Variants in CLDN14 observed in about 807,000 individuals in gnomAD.
The protein encoded by CLDN14 is claudin 14.
A neutral mutation model predicts 2.1 loss-of-function variants in CLDN14; 2 were observed. The observed-to-expected ratio is 0.96, with a 90% CI of 0.39 to 3.01. The LOEUF (loss-of-function observed/expected upper bound fraction) is 3.01, where lower values mean the gene tolerates loss of function less well. Ranked by LOEUF, CLDN14 falls within the 30% of genes most tolerant of loss-of-function variation. The pLI, the probability that CLDN14 is intolerant of heterozygous loss-of-function variation, is 0.09. For synonymous variants in CLDN14, 136 were observed against 154.4 expected (o/e 0.88, Z 0.88); for missense variants, 298 against 328.0 (o/e 0.91, Z 0.71).
At chr21:36,525,243 C>T (rs1018682220) in intron 1 of CLDN14, among the ~76,000 whole-genome samples, 1 of 152,048 alleles carries the variant, frequency 6.6e-6, no homozygotes, top group Non-Finnish European at 1.5e-5. Context: ...AACGCAAGTG[C>T]ACAGAATGAG....
intron 1 of CLDN14, among the ~76,000 whole-genome samples, chr21:36,468,546 G>A (rs1232523840): frequency 6.6e-6 from 1 of 152,108 alleles, no homozygotes; most frequent in Non-Finnish European, 1.5e-5. Flanking sequence ...CTGGGTGACA[G>A]AGTGAGACTC....
At chr21:36,473,622 G>A (rs1195046918) in intron 1 of CLDN14, among the ~76,000 whole-genome samples, 2 of 152,214 alleles carry the variant, frequency 1.3e-5, no homozygotes, top group Non-Finnish European at 2.9e-5. Flanking sequence ...TAAGTGCAGG[G>A]TTCAGGGAGG....
At chr21:36,530,907 A>G (rs2087374353) in intron 1 of CLDN14, among the ~76,000 whole-genome samples, 1 of 152,208 alleles carries the variant, frequency 6.6e-6, no homozygotes, top group Non-Finnish European at 1.5e-5. Context: ...TAAGTTTGGG[A>G]AACAAATTAT....
Position 36,461,195 on chromosome 21 carries a change from G to GCC in CLDN14, c.499_500dup (p.Phe168AlafsTer59). ...TGAGCGAGAGGGACGAGGAGATGAA[G>GCC]CCCAGGTACAGGGCCTGGCCAATCT... On this transcript the variant is annotated frameshift_variant, in exon 2 of 2. Coordinates refer to ENST00000399135, the MANE Select transcript of CLDN14 (RefSeq NM_001146079.2). LOFTEE classifies it low-confidence loss of function (END_TRUNC). The GCC allele has an allele frequency of 6.2e-7, 1 of 1,614,028 alleles. No individual in the cohort carries two copies. Among genetic ancestry groups the GCC allele is most frequent in the Non-Finnish European group, 8.5e-7 (1 of 1,179,902 alleles).
At chr21:36,537,656 C>CTT (rs71198822) in intron 1 of CLDN14, among the ~76,000 whole-genome samples, 9 of 143,280 alleles carry the variant, frequency 6.3e-5, no homozygotes, top group South Asian at 2.2e-4. Flanking sequence ...CTTTTCTTTT[C>CTT]TTTTTTTTTT....
intron 2 of CLDN14, among the ~76,000 whole-genome samples, chr21:36,488,072 G>A (rs745445871): frequency 1.3e-5 from 2 of 152,202 alleles, no homozygotes; most frequent in Non-Finnish European, 2.9e-5. Context: ...ACTGAGAGAC[G>A]AATGGATAAA....
intron 1 of CLDN14, among the ~76,000 whole-genome samples, chr21:36,557,214 C>A (rs2087604805): frequency 6.6e-6 from 1 of 152,078 alleles, no homozygotes; most frequent in South Asian, 2.1e-4. Context: ...AGGTTGTTGG[C>A]ACATCTTGAT....
chr21:36,484,269 G>A (rs1601603706), upstream of CLDN14, among the ~76,000 whole-genome samples: 1 of 152,328 alleles, frequency 6.6e-6, no homozygotes, highest in East Asian at 1.9e-4. Context: ...AAAGCCCCAT[G>A]TTCTTGGGTT....
intron 2 of CLDN14, among the ~76,000 whole-genome samples, chr21:36,489,292 T>C (rs115175616): frequency 0.012 from 1,856 of 151,794 alleles, 44 homozygotes; most frequent in African/African-American, 0.043. Flanking sequence ...GTCTTGCAGC[T>C]GTCCACTTGT....
intron 2 of CLDN14, among the ~76,000 whole-genome samples, chr21:36,489,131 A>AAAAATATATATATATATATATATAT: frequency 8.0e-5 from 5 of 62,740 alleles, no homozygotes; most frequent in African/African-American, 1.8e-4. Flanking sequence ...AAAAAAAAAA[A>AAAAATATATATATATATATATATAT]ATATATATAT....
chr21:36,488,854 C>T (rs951559328), intron 2 of CLDN14, among the ~76,000 whole-genome samples: 25 of 152,046 alleles, frequency 1.6e-4, no homozygotes, highest in African/African-American at 5.3e-4. Flanking sequence ...AGAGGCCGCG[C>T]ACAGTGGCTC....
chr21:36,528,662 G>A (rs2087354680), intron 1 of CLDN14, among the ~76,000 whole-genome samples: 1 of 152,184 alleles, frequency 6.6e-6, no homozygotes, highest in South Asian at 2.1e-4. Flanking sequence ...TCCATGCAAG[G>A]GGCATCTGTC....
chr21:36,533,133 G>C (rs1279632142), intron 1 of CLDN14, among the ~76,000 whole-genome samples: 7 of 152,136 alleles, frequency 4.6e-5, no homozygotes. Flanking sequence ...CATTCGGTGG[G>C]GCCGGTCGGT....
chr21:36,494,265 G>A (rs1238092868), intron 2 of CLDN14, among the ~76,000 whole-genome samples: 1 of 152,172 alleles, frequency 6.6e-6, no homozygotes, highest in Non-Finnish European at 1.5e-5. Flanking sequence ...GACGAGAGTG[G>A]TATCTACAAA....
At chr21:36,477,584 C>A (rs1460211116) in intron 1 of CLDN14, 1 of 152,230 alleles carries the variant, frequency 6.6e-6, no homozygotes, top group Non-Finnish European at 1.5e-5. Flanking sequence ...ACAGCTGCCT[C>A]TGGGTGGCTC....
chr21:36,494,452 C>A (rs915130858), intron 2 of CLDN14, among the ~76,000 whole-genome samples: 26 of 152,148 alleles, frequency 1.7e-4, no homozygotes, highest in Admixed American at 1.4e-3. Context: ...TCGAGAGAAT[C>A]TGAACTGTTA....
intron 1 of CLDN14, among the ~76,000 whole-genome samples, chr21:36,516,029 C>G (rs984827764): frequency 6.6e-6 from 1 of 151,952 alleles, no homozygotes; most frequent in Admixed American, 6.5e-5. Flanking sequence ...CTCAGGTGAT[C>G]CCCCTGCCTC....
At chr21:36,570,593 T>G (rs142278236) in intron 1 of CLDN14, among the ~76,000 whole-genome samples, 47 of 147,606 alleles carry the variant, frequency 3.2e-4, no homozygotes, top group Non-Finnish European at 6.3e-4. Context: ...AATGAATGTA[T>G]TCTTATTTTT....
At chr21:36,463,617 G>T (rs2086608086) in intron 1 of CLDN14, among the ~76,000 whole-genome samples, 1 of 152,206 alleles carries the variant, frequency 6.6e-6, no homozygotes, top group South Asian at 2.1e-4. Context: ...GGAGGCTGAG[G>T]CAGGAGAATC....
Sources: gnomAD v4.1 joint callset for allele counts (sites outside exome capture counted in the v4.1 genomes callset) on GRCh38, gnomAD v4.1.1 for gene constraint, MANE v1.5 for transcripts, NCBI Gene and HGNC (gene_info 2026-07-23, HGNC 2026-07-21) for gene names.